ALG1: variants seen among roughly 807,000 people sequenced by gnomAD.
ALG1 encodes chitobiosyldiphosphodolichol beta-mannosyltransferase.
A neutral mutation model predicts 55.1 loss-of-function variants in ALG1; 58 were observed. The observed-to-expected ratio is 1.05, with a 90% CI of 0.85 to 1.31. The LOEUF (loss-of-function observed/expected upper bound fraction) is 1.31. ALG1 is among the 50% of genes most tolerant of loss of function. The pLI, the probability that ALG1 is intolerant of heterozygous loss-of-function variation, is 0.00. For missense variants in ALG1, 761 were observed against 598.6 expected, an observed-to-expected ratio of 1.27 and a Z score of -2.83; for synonymous variants, 309 against 247.0, an observed-to-expected ratio of 1.25 and a Z score of -2.35.
At chr16:5,082,429 T>A (rs1957031596) in intron 10 of ALG1, 130 bp from the exon 11 acceptor site, 3 of 970,096 alleles carry the variant, frequency 3.1e-6, no homozygotes, top group Admixed American at 4.0e-5. Flanking sequence ...CTTAAGCCAC[T>A]TGTGTTTGGG....
chr16:5,084,616 TC>T (rs1167908976), intron 12 of ALG1, 133 bp from the exon 13 acceptor site: 2 of 1,404,656 alleles, frequency 1.4e-6, no homozygotes, highest in Admixed American at 1.9e-5. Context: ...GTGAAGGGTC[TC>T]GAGTCCAAGT....
At chr16:5,079,218 G>T in intron 8 of ALG1, 116 bp downstream of exon 8, 12 of 1,372,296 alleles carry the variant, frequency 8.7e-6, no homozygotes, top group Non-Finnish European at 1.2e-5. Context: ...GGCAGCCTGG[G>T]GACAGCGGGG....
intron 11 of ALG1, among the ~76,000 whole-genome samples, chr16:5,083,214 C>A (rs1312166639): frequency 6.6e-6 from 1 of 152,100 alleles, no homozygotes; most frequent in Non-Finnish European, 1.5e-5. Context: ...ACAAGTTGAG[C>A]CCTTGGCCCC....
At chr16:5,075,756 A>G (rs1267556588) in intron 4 of ALG1, among the ~76,000 whole-genome samples, 1 of 152,198 alleles carries the variant, frequency 6.6e-6, no homozygotes, top group Non-Finnish European at 1.5e-5. Flanking sequence ...GTCTGTGGAA[A>G]TGGTTGGTTT....
At chr16:5,080,908 A>G (rs757519107) in intron 9 of ALG1, 38 bp from the exon 10 acceptor site, 1 of 1,593,502 alleles carries the variant, frequency 6.3e-7, no homozygotes, top group South Asian at 1.1e-5. Context: ...GCAGGGACAG[A>G]GATGGGTCCA....
chr16:5,072,205 C>CT, intron 1 of ALG1, 148 bp downstream of exon 1: 2 of 1,535,418 alleles, frequency 1.3e-6, no homozygotes, highest in East Asian at 2.4e-5. Context: ...CTGCCCCAGC[C>CT]TTTCCTGGGT....
intron 12 of ALG1, 83 bp from the exon 13 acceptor site, chr16:5,084,667 G>A: frequency 6.3e-7 from 1 of 1,588,554 alleles, no homozygotes; most frequent in Non-Finnish European, 8.5e-7. Flanking sequence ...TGTTGGGTCG[G>A]GGACCTGGGG....
At position 5,086,445 on chromosome 16, in the gene ALG1, A is replaced by G. The variant is rs955784751; in HGVS notation, c.*1564A>G. 6.6e-6 allele frequency: 1 copy of G among 151,796 alleles called. No individual in the cohort carries two copies. Among genetic ancestry groups the G allele is most frequent in the African/African-American group, 2.4e-5 (1 of 41,280 alleles). 9.4% of individuals were successfully genotyped at this position (151,796 alleles called of 1,614,324 possible). ...AGATGTCTGAAGAGCCGTTAGCCAGAATGATTCTTTTTTTTTGTTTTGAGA... is the reference window on the plus strand; with the variant it reads ...AGATGTCTGAAGAGCCGTTAGCCAGGATGATTCTTTTTTTTTGTTTTGAGA... On this transcript the variant is annotated 3_prime_UTR_variant, in exon 13 of 13. Coordinates refer to ENST00000262374, the MANE Select transcript of ALG1 (RefSeq NM_019109.5).
intron 5 of ALG1, 82 bp downstream of exon 5, chr16:5,077,616 C>A (rs1239117956): frequency 5.7e-6 from 8 of 1,410,602 alleles, no homozygotes; most frequent in Non-Finnish European, 8.0e-6. Context: ...TTGCCTGCTG[C>A]CGTCCTGCTG....
chr16:5,077,387 C>T (rs1956932648), intron 4 of ALG1, 58 bp from the exon 5 acceptor site: 8 of 1,428,804 alleles, frequency 5.6e-6, no homozygotes, highest in Non-Finnish European at 7.9e-6. Flanking sequence ...TCGAGTCACG[C>T]TGTGGTGGTA....
intron 4 of ALG1, among the ~76,000 whole-genome samples, chr16:5,076,059 A>C (rs1055516072): frequency 6.6e-6 from 1 of 152,142 alleles, no homozygotes; most frequent in Non-Finnish European, 1.5e-5. Flanking sequence ...GTAGCTGGAG[A>C]AGTGGGCCAC....
At chr16:5,081,260 G>A (rs1181887380) in intron 10 of ALG1, among the ~76,000 whole-genome samples, 1 of 152,200 alleles carries the variant, frequency 6.6e-6, no homozygotes, top group Admixed American at 6.5e-5. Context: ...GTTTGAGGAG[G>A]CCACGTCCTT....
chr16:5,078,635 G>A (rs1014620041), intron 6 of ALG1, 122 bp from the exon 7 acceptor site: 267 of 1,569,766 alleles, frequency 1.7e-4, no homozygotes, highest in Non-Finnish European at 2.2e-4. Flanking sequence ...GCCTGGTGCT[G>A]CTGATGTGGC....
chr16:5,080,481 G>A (rs563151169), intron 9 of ALG1, among the ~76,000 whole-genome samples: 1 of 152,360 alleles, frequency 6.6e-6, no homozygotes, highest in South Asian at 2.1e-4. Context: ...AAAAGCGGAA[G>A]CGGTGTGGGA....
chr16:5,077,353 C>T (rs574354809), intron 4 of ALG1, 92 bp from the exon 5 acceptor site: 41 of 1,126,440 alleles, frequency 3.6e-5, no homozygotes, highest in Middle Eastern at 2.0e-4. Flanking sequence ...CCCAGCTCTG[C>T]GGCCTTTTCT....
chr16:5,081,109 G>A (rs1596259812), intron 10 of ALG1, 53 bp downstream of exon 10: 4 of 1,395,748 alleles, frequency 2.9e-6, no homozygotes, highest in Non-Finnish European at 3.9e-6. Context: ...AGGGTGGGCG[G>A]GATGTACTTT....
chr16:5,073,345 G>T, intron 3 of ALG1, 89 bp downstream of exon 3: 1 of 1,176,970 alleles, frequency 8.5e-7, no homozygotes, highest in South Asian at 1.3e-5. Context: ...ATATTCATAT[G>T]TGTGTGTGTT....
chr16:5,073,198 C>G lies in ALG1; in HGVS notation c.332C>G (p.Ala111Gly), dbSNP rs771656416. The change falls in exon 3 of 13, where the codon GCT becomes GGT. Residue 111 changes from alanine (A) to glycine (G), a missense_variant. Transcript: ENST00000262374. ...FQYGVKVVLQ[A>G]MYLLWKLMWR... ...TACGGAGTCAAAGTTGTACTTCAGG[C>G]TATGTACTTGCTGTGGAAGTTGATG... 4.3e-6 allele frequency: 7 copies of G among 1,614,060 alleles called. No individual in the cohort carries two copies. The highest frequency in any genetic ancestry group is 2.7e-5 in the African/African-American group (2 of 74,922).
At chr16:5,078,661 C>G in intron 6 of ALG1, 96 bp from the exon 7 acceptor site, 1 of 1,609,868 alleles carries the variant, frequency 6.2e-7, no homozygotes, top group Non-Finnish European at 8.5e-7. Flanking sequence ...ACCCCAACCT[C>G]TGGGAGCCTG....
Sources: gnomAD v4.1 joint callset for allele counts (sites outside exome capture counted in the v4.1 genomes callset) on GRCh38, gnomAD v4.1.1 for gene constraint, MANE v1.5 for transcripts, NCBI Gene and HGNC (gene_info 2026-07-23, HGNC 2026-07-21) for gene names.